The following ZNF416 variants were observed in gnomAD, a reference collection of about 807,000 sequenced individuals.
ZNF416 encodes zinc finger protein 416.
Under a neutral mutation model 10.9 loss-of-function variants are expected in ZNF416, and 5 were observed. That is an observed-to-expected ratio of 0.46 (90% confidence interval 0.24 to 0.97). The LOEUF (loss-of-function observed/expected upper bound fraction) is 0.97. ZNF416 is among the 50% of genes least tolerant of loss of function. ZNF416 has a pLI of 0.19. For missense variants in ZNF416, 675 were observed against 715.0 expected, an observed-to-expected ratio of 0.94 and a Z score of 0.64; for synonymous variants, 267 against 251.8, an observed-to-expected ratio of 1.06 and a Z score of -0.57.
chr19:57,573,998 T>C (rs908155480), intron 3 of ZNF416, among the ~76,000 whole-genome samples: 1 of 152,110 alleles, frequency 6.6e-6, no homozygotes, highest in Non-Finnish European at 1.5e-5. Context: ...CACTCCAGCC[T>C]GGGAGACAAA....
At chr19:57,578,036 C>A (rs1978605706) in intron 2 of ZNF416, 21 bp downstream of exon 2, 1 of 1,613,898 alleles carries the variant, frequency 6.2e-7, no homozygotes, top group Admixed American at 1.7e-5. Flanking sequence ...TCAGTGAGGG[C>A]CCGAAACACT....
chr19:57,576,092 C>T lies in ZNF416; in HGVS notation c.76-162G>A, dbSNP rs562895482. On this transcript the variant is annotated intron_variant, in intron 2 of 3. Transcript: ENST00000196489. ...CTGATTCCTGCCCTCTCCTCATGGTCCCATCATCACTGTGTCTTCCCACAG... is the reference window on the plus strand; with the variant it reads ...CTGATTCCTGCCCTCTCCTCATGGTTCCATCATCACTGTGTCTTCCCACAG... Among the ~76,000 whole-genome samples, 2 of 152,182 alleles carry T rather than the reference C, an allele frequency of 1.3e-5. 1 individual carries two copies. Among genetic ancestry groups the T allele is most frequent in the South Asian group, 4.1e-4 (2 of 4,820 alleles).
rs774526815 is a variant in ZNF416 at position 57,578,734 on chromosome 19, G to A, written c.-30C>T. 2.7e-6 allele frequency: 4 copies of A among 1,459,670 alleles called. No homozygotes were observed. The South Asian group carries it at 5.5e-5, about 20-fold the overall frequency. The allele number at this position is 1,459,670 out of a possible 1,614,324, so 90.4% of individuals were successfully genotyped here. ...TTGTGAGCGGAGCGGGGCCGGGAGCGGCGGGCGACCCGGGGCGGGAACCCA... is the reference window on the plus strand; with the variant it reads ...TTGTGAGCGGAGCGGGGCCGGGAGCAGCGGGCGACCCGGGGCGGGAACCCA... On this transcript the variant is annotated 5_prime_UTR_variant, in exon 1 of 4. Coordinates refer to ENST00000196489, the MANE Select transcript of ZNF416 (RefSeq NM_017879.3).
Position 57,573,026 on chromosome 19 carries a change from G to T in ZNF416, c.878C>A (p.Thr293Asn), listed in dbSNP as rs915872212. ...ACCACACACATAAGGCCTTTCTCCA[G>T]TGTGGATTCTCCGATGATCATTCAG... is the stretch of plus-strand genomic sequence containing the variant. ...SHLNDHRRIHTGERPYVCGQC... is the reference protein window; with the variant it reads ...SHLNDHRRIHNGERPYVCGQC... Residue 293 changes from threonine to asparagine, a missense_variant, in exon 4 of 4, where the codon ACT (threonine) becomes AAT (asparagine). Thr to Asn is a moderately conservative substitution (Grantham distance 65). Transcript: ENST00000196489. 3 of 1,614,218 alleles carry T rather than the reference G, an allele frequency of 1.9e-6. No homozygotes were observed. Among genetic ancestry groups the T allele is most frequent in the Non-Finnish European group, 2.5e-6 (3 of 1,180,040 alleles).
intron 3 of ZNF416, among the ~76,000 whole-genome samples, chr19:57,574,298 C>T (rs1978446290): frequency 6.6e-6 from 1 of 152,280 alleles, no homozygotes; most frequent in Middle Eastern, 3.4e-3. Context: ...CTCAAATTAC[C>T]CAATCCTAAA....
intron 1 of ZNF416, chr19:57,578,400 G>C (rs1978625773): frequency 3.8e-6 from 2 of 526,058 alleles, no homozygotes; most frequent in Admixed American, 3.4e-5. Flanking sequence ...ATGGCTCTCA[G>C]CGTCTTGAAA....
intron 2 of ZNF416, among the ~76,000 whole-genome samples, chr19:57,577,667 C>T (rs1428626966): frequency 6.6e-6 from 1 of 152,158 alleles, no homozygotes; most frequent in African/African-American, 2.4e-5. Flanking sequence ...CTCCTCTGCC[C>T]CCAAACTGTC....
Position 57,571,865 on chromosome 19 carries a change from T to G in ZNF416, c.*254A>C. Reference sequence around the variant, plus strand: ...AGAACACAGGTGTATCTGCCTCGCCTTAGTATGCAAGGGTGACTAATGATT... The same window carrying G: ...AGAACACAGGTGTATCTGCCTCGCCGTAGTATGCAAGGGTGACTAATGATT... On this transcript the variant is annotated 3_prime_UTR_variant, in exon 4 of 4. Coordinates refer to ENST00000196489, the MANE Select transcript of ZNF416 (RefSeq NM_017879.3). 2.2e-6 allele frequency: 1 copy of G among 455,812 alleles called. No individual in the cohort carries two copies. Among genetic ancestry groups the G allele is most frequent in the Admixed American group, 3.6e-5 (1 of 28,118 alleles). 28.2% of individuals were successfully genotyped at this position (455,812 alleles called of 1,614,324 possible).
chr19:57,572,662 C>A lies in ZNF416; in HGVS notation c.1242G>T (p.Gln414His). 6.2e-7 allele frequency: 1 copy of A among 1,614,126 alleles called. No individual in the cohort carries two copies. The highest frequency in any genetic ancestry group is 8.5e-7 in the Non-Finnish European group (1 of 1,180,014). Residue 414 changes from glutamine (Q) to histidine (H), a missense_variant, in exon 4 of 4, where the codon CAG (glutamine) becomes CAT (histidine). Coordinates refer to ENST00000196489, the MANE Select transcript of ZNF416 (RefSeq NM_017879.3). This position sits in a 1 kb window ranked among gnomAD's most constrained non-coding sequence, Gnocchi z 4.5. ...ACTTTAGGCTAAATGATTTCCCACACTGGCCACACTCATAAGGCCTTGCTG... is the reference window on the plus strand; with the variant it reads ...ACTTTAGGCTAAATGATTTCCCACAATGGCCACACTCATAAGGCCTTGCTG... ...HTTARPYECG[Q>H]CGKSFSLKCG... is the part of the protein sequence containing the mutation.
In ZNF416 at chr19:57,574,685, G is replaced by C. The variant is rs545506601; in HGVS notation, c.203-984C>G. ...GCCTCTAAAGATCACAAAATGGGGAGGCCTCACCAAACACAGGACGTAAGA... is the reference window on the plus strand; with the variant it reads ...GCCTCTAAAGATCACAAAATGGGGACGCCTCACCAAACACAGGACGTAAGA... On this transcript the variant is annotated intron_variant, in intron 3 of 3. Coordinates refer to ENST00000196489, the MANE Select transcript of ZNF416 (RefSeq NM_017879.3). Among the ~76,000 whole-genome samples, 3 of 152,284 alleles carry C rather than the reference G, an allele frequency of 2.0e-5. No individual in the cohort carries two copies. In the East Asian group the frequency reaches 5.8e-4, roughly 29 times the overall value.
chr19:57,578,324 A>G, intron 1 of ZNF416: 1 of 598,406 alleles, frequency 1.7e-6, no homozygotes, highest in Non-Finnish European at 3.0e-6. Context: ...TCCAACTCTG[A>G]GTAACTTTAG....
rs1208999858 is a variant in ZNF416 at position 57,578,111 on chromosome 19, G to A, written c.34-13C>T. 6.2e-7 allele frequency: 1 copy of A among 1,614,194 alleles called. No homozygotes were observed. The highest frequency in any genetic ancestry group is 8.5e-7 in the Non-Finnish European group (1 of 1,180,024). Reference sequence around the variant, plus strand: ...CAGTCACGGGAACCTGCGGGAAGAGGAAGGCTATGAGAGGCAGGTAACTAT... The same window carrying A: ...CAGTCACGGGAACCTGCGGGAAGAGAAAGGCTATGAGAGGCAGGTAACTAT... On this transcript the variant is annotated splice_polypyrimidine_tract_variant and intron_variant, in intron 1 of 3. Coordinates refer to ENST00000196489, the MANE Select transcript of ZNF416 (RefSeq NM_017879.3).
chr19:57,577,246 G>C (rs1816490566), intron 2 of ZNF416, among the ~76,000 whole-genome samples: 1 of 151,426 alleles, frequency 6.6e-6, no homozygotes, highest in African/African-American at 2.4e-5. Flanking sequence ...GACTCTAAAA[G>C]ATGTCCCATT....
Position 57,575,402 on chromosome 19 carries a change from A to C in ZNF416, c.202+402T>G, listed in dbSNP as rs1044338937. 1.3e-5 allele frequency among the ~76,000 whole-genome samples: 2 copies of C among 152,230 alleles called. No homozygotes were observed. Among genetic ancestry groups the C allele is most frequent in the East Asian group, 3.9e-4 (2 of 5,194 alleles). On this transcript the variant is annotated intron_variant, in intron 3 of 3. Transcript: ENST00000196489. This position sits in a 1 kb window ranked among gnomAD's most constrained non-coding sequence, Gnocchi z 4.4. ...AAATTAATATCACACAGATCCTTGA[A>C]GGAGGTTCTGGCAACCACAGCTCAT... is the stretch of plus-strand genomic sequence containing the variant.
Position 57,575,959 on chromosome 19 carries a change from G to A in ZNF416, c.76-29C>T. On this transcript the variant is annotated intron_variant, in intron 2 of 3. Coordinates refer to ENST00000196489, the MANE Select transcript of ZNF416 (RefSeq NM_017879.3). This position sits in a 1 kb window ranked among gnomAD's most constrained non-coding sequence, Gnocchi z 4.4. Reference sequence around the variant, plus strand: ...CCATGATGGGGATAGATCTTTCCATGATCAGATTCTCTCCTAGGACCCCAA... The same window carrying A: ...CCATGATGGGGATAGATCTTTCCATAATCAGATTCTCTCCTAGGACCCCAA... 6.2e-7 allele frequency: 1 copy of A among 1,607,554 alleles called. No individual in the cohort carries two copies.
Position 57,573,260 on chromosome 19 carries a change from T to C in ZNF416, c.644A>G (p.Tyr215Cys). Reference protein sequence around the residue: ...EEAFHVGISHYKWSQCRRESS... With the variant: ...EEAFHVGISHCKWSQCRRESS... ...CTCTCTCCTGCATTGACTCCACTTG[T>C]AATGACTTATTCCAACATGAAAGGC... The change falls in exon 4 of 4, where the codon TAC becomes TGC. Residue 215 changes from tyrosine to cysteine, a missense_variant. Coordinates refer to ENST00000196489, the MANE Select transcript of ZNF416 (RefSeq NM_017879.3). 5 of 1,614,260 alleles carry C rather than the reference T, an allele frequency of 3.1e-6. No individual in the cohort carries two copies. The highest frequency in any genetic ancestry group is 4.2e-6 in the Non-Finnish European group (5 of 1,180,042).
chr19:57,573,119 CTT>C lies in ZNF416; in HGVS notation c.783_784del (p.Arg262SerfsTer9), dbSNP rs1438615878. On this transcript the variant is annotated frameshift_variant, in exon 4 of 4. Coordinates refer to ENST00000196489, the MANE Select transcript of ZNF416 (RefSeq NM_017879.3). LOFTEE classifies it low-confidence loss of function (END_TRUNC). ...ATAAGGCCTTTCTCCAGGGTGGACT[CTT>C]TGCAGCTGAACAAGGGAGCACTCAC... The C allele has an allele frequency of 4.3e-6, 7 of 1,614,124 alleles. No individual in the cohort carries two copies. The highest frequency in any genetic ancestry group is 3.3e-5 in the Admixed American group (2 of 60,006).
Position 57,578,771 on chromosome 19 carries a change from C to G in ZNF416, c.-67G>C. On this transcript the variant is annotated 5_prime_UTR_variant, in exon 1 of 4. Coordinates refer to ENST00000196489, the MANE Select transcript of ZNF416 (RefSeq NM_017879.3). ...GGGGCGGGAACCCAGGCACGGCTGC[C>G]ACCAGCGCCAGCGACCCACCGGCTG... is the stretch of plus-strand genomic sequence containing the variant. 1 of 1,378,170 alleles carries G rather than the reference C, an allele frequency of 7.3e-7. No homozygotes were observed. The highest frequency in any genetic ancestry group is 9.5e-7 in the Non-Finnish European group (1 of 1,055,524). 85.4% of individuals were successfully genotyped at this position (1,378,170 alleles called of 1,614,324 possible).
At position 57,578,653 on chromosome 19, in the gene ZNF416, C is replaced by A. The variant is rs1383262737; in HGVS notation, c.33+19G>T. On this transcript the variant is annotated intron_variant, in intron 1 of 3. Coordinates refer to ENST00000196489, the MANE Select transcript of ZNF416 (RefSeq NM_017879.3). Reference sequence around the variant, plus strand: ...TCCGGCGGAGAGGGCAGGTGAGGCCCGGGAGACGCAGCACTCACCGAAGTC... The same window carrying A: ...TCCGGCGGAGAGGGCAGGTGAGGCCAGGGAGACGCAGCACTCACCGAAGTC... The A allele has an allele frequency of 1.9e-6, 3 of 1,547,888 alleles. No individual in the cohort carries two copies. Among genetic ancestry groups the A allele is most frequent in the East Asian group, 2.5e-5 (1 of 39,624 alleles).
Sources: gnomAD v4.1 joint callset for allele counts (sites outside exome capture counted in the v4.1 genomes callset) on GRCh38, gnomAD v4.1.1 for gene constraint, Gnocchi (gnomAD v3.1) non-coding constraint, MANE v1.5 for transcripts, NCBI Gene and HGNC (gene_info 2026-07-23, HGNC 2026-07-21) for gene names.